MSH3: variants seen among roughly 807,000 people sequenced by gnomAD.
MSH3 encodes the protein DNA mismatch repair protein Msh3.
In MSH3, 106 loss-of-function variants were observed where a neutral mutation model predicts 123.3. That is an observed-to-expected ratio of 0.86 (90% CI 0.73 to 1.01). The LOEUF is 1.01. MSH3 is among the 50% of genes least tolerant of loss of function. The pLI is 0.00. For missense variants in MSH3, 1,459 were observed against 1,347.6 expected, an observed-to-expected ratio of 1.08 and a Z score of -1.29; for synonymous variants, 515 against 481.4, an observed-to-expected ratio of 1.07 and a Z score of -0.91.
chr5:80,697,155 C>T (rs1259820013), intron 8 of MSH3, among the ~76,000 whole-genome samples: 1 of 152,138 alleles, frequency 6.6e-6, no homozygotes, highest in Non-Finnish European at 1.5e-5. Flanking sequence ...TTGTTTATCA[C>T]CCACAGAAAA....
intron 20 of MSH3, among the ~76,000 whole-genome samples, chr5:80,823,414 G>A (rs760707752): frequency 6.6e-6 from 1 of 152,016 alleles, no homozygotes; most frequent in Admixed American, 6.6e-5. Context: ...TGGAATTTGG[G>A]GTTTTAAGCT....
intron 12 of MSH3, among the ~76,000 whole-genome samples, chr5:80,753,739 T>C (rs755947835): frequency 9.2e-5 from 14 of 151,938 alleles, no homozygotes; most frequent in Non-Finnish European, 7.4e-5. Flanking sequence ...GGGGGTGGGG[T>C]GAGACTCTCA....
Position 80,725,508 on chromosome 5 carries a change from A to G in MSH3, c.1396A>G (p.Ser466Gly), listed in dbSNP as rs766948921. The G allele has an allele frequency of 5.6e-5, 91 of 1,613,958 alleles. No homozygotes were observed. Among genetic ancestry groups the G allele is most frequent in the Non-Finnish European group, 7.3e-5 (86 of 1,179,972 alleles). ...ERMDNIYFEY[S>G]HAFQAVTEFY... Reference sequence around the variant, plus strand: ...GATGGATAACATTTATTTTGAATACAGCCATGCTTTCCAGGCAGTTACAGA... The same window carrying G: ...GATGGATAACATTTATTTTGAATACGGCCATGCTTTCCAGGCAGTTACAGA... Residue 466 changes from serine to glycine, a missense_variant, in exon 9 of 24, where the codon AGC becomes GGC. Ser to Gly is a moderately conservative substitution (Grantham distance 56). Transcript: ENST00000265081.
At chr5:80,871,884 A>C (rs1483184187) in intron 22 of MSH3, among the ~76,000 whole-genome samples, 1 of 152,130 alleles carries the variant, frequency 6.6e-6, no homozygotes. Context: ...GGCTGCCTAC[A>C]ACAACCAGTC....
intron 21 of MSH3, among the ~76,000 whole-genome samples, chr5:80,863,111 G>A (rs1341419066): frequency 5.9e-5 from 9 of 152,180 alleles, no homozygotes; most frequent in Non-Finnish European, 8.8e-5. Flanking sequence ...CCCCAGTTAT[G>A]TAAAACTGAT....
chr5:80,752,534 A>T (rs1743856140), intron 12 of MSH3, among the ~76,000 whole-genome samples: 1 of 152,112 alleles, frequency 6.6e-6, no homozygotes. Flanking sequence ...CTTCAGCTTG[A>T]GTTCTGATTC....
intron 12 of MSH3, among the ~76,000 whole-genome samples, chr5:80,750,905 CAACTT>C (rs1011230067): frequency 1.1e-4 from 16 of 152,108 alleles, no homozygotes; most frequent in South Asian, 4.1e-4. Context: ...CTTGAGGTCT[CAACTT>C]AAAACGTTGT....
chr5:80,863,571 T>C (rs1746048761), intron 21 of MSH3, among the ~76,000 whole-genome samples: 1 of 150,622 alleles, frequency 6.6e-6, no homozygotes, highest in Admixed American at 6.6e-5. Flanking sequence ...CTCAGGAGGC[T>C]AAGGTAGGAG....
intron 6 of MSH3, among the ~76,000 whole-genome samples, chr5:80,674,275 C>T (rs899126673): frequency 6.6e-6 from 1 of 151,830 alleles, no homozygotes; most frequent in African/African-American, 2.4e-5. Context: ...CAGCTTTCAT[C>T]CCTGAGATTT....
At position 80,812,584 on chromosome 5, in the gene MSH3, CT is replaced by C. The variant is rs11415035; in HGVS notation, c.2656-983del. Among the ~76,000 whole-genome samples the C allele has an allele frequency of 2.0e-3, 250 of 123,634 alleles. 1 individual carries two copies. The highest frequency in any genetic ancestry group is 4.3e-3 in the Admixed American group (50 of 11,544). The allele number at this position is 123,634 out of a possible 152,430, so 81.1% of individuals were successfully genotyped here. A position where few individuals can be genotyped will look rare whatever the true frequency, so the allele number is the denominator to read the frequency against. On this transcript the variant is annotated intron_variant, in intron 19 of 23. Coordinates refer to ENST00000265081, the MANE Select transcript of MSH3 (RefSeq NM_002439.5). Reference sequence around the variant, plus strand: ...AGCTAGGCCCATTGGCTGGTTCTGGCTTTTTTTTTTTTTTTTTGAGATGGAG... The same window carrying C: ...AGCTAGGCCCATTGGCTGGTTCTGGCTTTTTTTTTTTTTTTTGAGATGGAG...
At chr5:80,658,033 C>T (rs1749329977) in intron 2 of MSH3, among the ~76,000 whole-genome samples, 1 of 47,500 alleles carries the variant, frequency 2.1e-5, no homozygotes, top group African/African-American at 1.6e-4. Flanking sequence ...ATGCTTTTTG[C>T]CCTCTTTTTT....
intron 8 of MSH3, among the ~76,000 whole-genome samples, chr5:80,687,379 TAAAC>T (rs1373268895): frequency 2.0e-5 from 3 of 152,218 alleles, no homozygotes; most frequent in Admixed American, 6.5e-5. Flanking sequence ...TAGAAAGCGA[TAAAC>T]AAATAATATT....
intron 12 of MSH3, among the ~76,000 whole-genome samples, chr5:80,753,755 T>A (rs531458561): frequency 6.6e-6 from 1 of 152,226 alleles, no homozygotes; most frequent in East Asian, 1.9e-4. Context: ...TCTCATCACA[T>A]AGGCAGTTAG....
At chr5:80,828,879 T>A (rs868764232) in intron 20 of MSH3, among the ~76,000 whole-genome samples, 4 of 152,208 alleles carry the variant, frequency 2.6e-5, no homozygotes, top group Admixed American at 6.5e-5. Context: ...TAGGCTTTCC[T>A]GGGCTCTCCC....
At chr5:80,873,617 A>T (rs1188641530) in intron 23 of MSH3, among the ~76,000 whole-genome samples, 5 of 152,180 alleles carry the variant, frequency 3.3e-5, no homozygotes, top group Admixed American at 3.3e-4. Context: ...CCTACAGAAG[A>T]TTTCTTTTAT....
chr5:80,689,828 C>G (rs1029690486), intron 8 of MSH3, among the ~76,000 whole-genome samples: 12 of 151,700 alleles, frequency 7.9e-5, no homozygotes, highest in Non-Finnish European at 2.9e-5. Context: ...TCAGTATTCT[C>G]CACCAGATCC....
intron 17 of MSH3, among the ~76,000 whole-genome samples, chr5:80,780,200 A>T (rs1358989436): frequency 1.3e-5 from 2 of 152,128 alleles, no homozygotes; most frequent in African/African-American, 4.8e-5. Flanking sequence ...ATGTTTGTAG[A>T]GTTTGCTGAT....
chr5:80,842,582 G>T (rs945281262), intron 20 of MSH3, among the ~76,000 whole-genome samples: 2 of 152,076 alleles, frequency 1.3e-5, no homozygotes, highest in East Asian at 3.9e-4. Context: ...CTTTTATTTC[G>T]TTGAGCAGCG....
intron 10 of MSH3, among the ~76,000 whole-genome samples, chr5:80,729,202 T>C (rs1320800156): frequency 6.6e-6 from 1 of 151,882 alleles, no homozygotes; most frequent in Non-Finnish European, 1.5e-5. Flanking sequence ...GATCATGAGG[T>C]CAGGAGATCG....
Sources: allele counts gnomAD v4.1 joint callset (sites outside exome capture counted in the v4.1 genomes callset), GRCh38; gene constraint gnomAD v4.1.1; transcripts MANE v1.5; gene names NCBI Gene and HGNC (gene_info 2026-07-23, HGNC 2026-07-21).